HDGFL3: variants seen among roughly 807,000 people sequenced by gnomAD.
HDGFL3 encodes hepatoma-derived growth factor-related protein 3.
A neutral mutation model predicts 27.6 loss-of-function variants in HDGFL3; 6 were observed. The ratio of observed to expected loss-of-function variants is 0.22; its 90% CI spans 0.12 to 0.43. The LOEUF is 0.43. Among genes scored for constraint, HDGFL3 ranks in the 20% least tolerant of loss-of-function variants. The probability of loss-of-function intolerance (pLI) is 1.00; values close to 1 mark genes in which losing one functional copy is unlikely to be tolerated. For missense variants in HDGFL3, 207 were observed against 250.1 expected (o/e 0.83, Z 1.16); for synonymous variants, 88 against 88.9 (o/e 0.99, Z 0.05).
chr15:83,201,850 G>A (rs2037651311), intron 1 of HDGFL3, among the ~76,000 whole-genome samples: 1 of 152,150 alleles, frequency 6.6e-6, no homozygotes, highest in Admixed American at 6.5e-5. Flanking sequence ...GGGAGAAAAT[G>A]AGACAATTTG....
downstream of HDGFL3, among the ~76,000 whole-genome samples, chr15:83,124,299 G>A (rs2151369774): frequency 6.6e-6 from 1 of 152,186 alleles, no homozygotes; most frequent in East Asian, 1.9e-4. Context: ...TATGTATGTT[G>A]TGTGTATGTA....
chr15:83,194,045 G>C (rs550902776), intron 1 of HDGFL3, among the ~76,000 whole-genome samples: 1 of 152,214 alleles, frequency 6.6e-6, no homozygotes, highest in East Asian at 1.9e-4. Context: ...GCATCAATAT[G>C]AACAAGGAAT....
chr15:83,113,008 C>A, exon 4 of HDGFL3: 2 of 940,308 alleles, frequency 2.1e-6, no homozygotes, highest in South Asian at 1.4e-5. Context: ...CCTTTGGTAA[C>A]AGTGGCTGCA....
chr15:83,198,707 C>T (rs948932734), intron 1 of HDGFL3, among the ~76,000 whole-genome samples: 1 of 152,148 alleles, frequency 6.6e-6, no homozygotes, highest in Admixed American at 6.6e-5. Flanking sequence ...AAAGTGGACA[C>T]GTGAAAAGCA....
At chr15:83,201,944 T>C (rs1184970904) in intron 1 of HDGFL3, among the ~76,000 whole-genome samples, 1 of 152,182 alleles carries the variant, frequency 6.6e-6, no homozygotes, top group African/African-American at 2.4e-5. Context: ...ATGTACTTCT[T>C]AGGCCAAAGT....
rs1241592506 is a variant in HDGFL3, at chr15:83,137,392, C to T, written c.*1878G>A. ...AAATCTTATTAAATTTGAAACATTT[C>T]ATATATACACATAAAACGCTTTTAA... On this transcript the variant is annotated 3_prime_UTR_variant, in exon 6 of 6. Transcript: ENST00000299633. 2.0e-5 allele frequency: 3 copies of T among 151,958 alleles called. No homozygotes were observed. The highest frequency in any genetic ancestry group is 2.9e-5 in the Non-Finnish European group (2 of 67,928). The allele number at this position is 151,958 out of a possible 1,614,324, so 9.4% of individuals were successfully genotyped here. A position where few individuals can be genotyped will look rare whatever the true frequency, so the allele number is the denominator to read the frequency against.
chr15:83,118,026 T>C (rs1322636236), intron 3 of HDGFL3, among the ~76,000 whole-genome samples: 1 of 152,156 alleles, frequency 6.6e-6, no homozygotes, highest in East Asian at 1.9e-4. Flanking sequence ...AAAATGACCA[T>C]GTGGTTTTGA....
At chr15:83,122,990 C>A, downstream of HDGFL3, 3 of 1,203,986 alleles carry the variant, frequency 2.5e-6, no homozygotes, top group Non-Finnish European at 3.5e-6. Flanking sequence ...TTGGGGCATC[C>A]AAACAGTGCG....
chr15:83,187,513 A>G (rs1056515524), intron 1 of HDGFL3, among the ~76,000 whole-genome samples: 16 of 152,202 alleles, frequency 1.1e-4, no homozygotes, highest in Non-Finnish European at 1.5e-5. Context: ...ATAATAATAC[A>G]GCAATTGGAT....
chr15:83,122,820 T>C (rs751154768), downstream of HDGFL3: 1 of 1,614,126 alleles, frequency 6.2e-7, no homozygotes, highest in South Asian at 1.1e-5. Flanking sequence ...TGTCTTCCTG[T>C]CTGGGCTGGT....
At chr15:83,155,940 G>A (rs1355085077) in intron 4 of HDGFL3, among the ~76,000 whole-genome samples, 1 of 152,044 alleles carries the variant, frequency 6.6e-6, no homozygotes, top group Non-Finnish European at 1.5e-5. Flanking sequence ...TCTTTCCATT[G>A]TATTTCTGAA....
chr15:83,172,667 G>A (rs1199779747), intron 1 of HDGFL3, among the ~76,000 whole-genome samples: 3 of 151,932 alleles, frequency 2.0e-5, no homozygotes, highest in African/African-American at 7.2e-5. Flanking sequence ...GTGAAACTCC[G>A]TCTCTACTAA....
In HDGFL3 at chr15:83,132,613, C is replaced by CA. The variant is rs1490461032; in HGVS notation, c.*6656dup. 6.6e-6 allele frequency: 1 copy of CA among 152,086 alleles called. No individual in the cohort carries two copies. The allele number at this position is 152,086 out of a possible 1,614,324, so 9.4% of individuals were successfully genotyped here. A position where few individuals can be genotyped will look rare whatever the true frequency, so the allele number is the denominator to read the frequency against. ...CTTGCTATGTTGCCCAGGCTGGTCT[C>CA]AAACTCCTGGACTCAAGTGACCCTC... On this transcript the variant is annotated 3_prime_UTR_variant, in exon 6 of 6. Transcript: ENST00000299633.
chr15:83,146,629 CT>C (rs1175894787), intron 5 of HDGFL3, among the ~76,000 whole-genome samples: 2 of 152,206 alleles, frequency 1.3e-5, no homozygotes, highest in African/African-American at 4.8e-5. Context: ...ACCCTACTCT[CT>C]GCGAAAACCT....
At chr15:83,180,930 C>A (rs1567174362) in intron 1 of HDGFL3, 1 of 151,750 alleles carries the variant, frequency 6.6e-6, no homozygotes, top group Admixed American at 6.6e-5. Context: ...AATCACCATG[C>A]CCGGCAATTT....
intron 1 of HDGFL3, among the ~76,000 whole-genome samples, chr15:83,191,357 A>G (rs2037508822): frequency 6.6e-6 from 1 of 152,200 alleles, no homozygotes; most frequent in Non-Finnish European, 1.5e-5. Context: ...ATATACCTAA[A>G]ATATATGTAC....
chr15:83,199,787 A>C (rs2037616466), intron 1 of HDGFL3, among the ~76,000 whole-genome samples: 1 of 152,062 alleles, frequency 6.6e-6, no homozygotes, highest in Admixed American at 6.6e-5. Flanking sequence ...TCACACCTGT[A>C]ATCCCAGCAC....
At chr15:83,167,170 T>C (rs1319225043) in intron 1 of HDGFL3, among the ~76,000 whole-genome samples, 1 of 152,228 alleles carries the variant, frequency 6.6e-6, no homozygotes, top group East Asian at 1.9e-4. Context: ...ACTAAAGGTT[T>C]GGAAAAAGAT....
chr15:83,194,112 G>A (rs956933881), intron 1 of HDGFL3, among the ~76,000 whole-genome samples: 1 of 152,126 alleles, frequency 6.6e-6, no homozygotes, highest in Non-Finnish European at 1.5e-5. Flanking sequence ...AGAGATAGTT[G>A]TACATTCATG....
Sources: allele counts gnomAD v4.1 joint callset (sites outside exome capture counted in the v4.1 genomes callset), GRCh38; gene constraint gnomAD v4.1.1; transcripts MANE v1.5; gene names NCBI Gene and HGNC (gene_info 2026-07-23, HGNC 2026-07-21).